Variants in MEIS2 observed in about 807,000 individuals in gnomAD.
MEIS2 encodes the protein homeobox protein Meis2.
MEIS2 carries 9 observed loss-of-function variants against 58.6 expected under a neutral mutation model. That is an observed-to-expected ratio of 0.15 (90% CI 0.09 to 0.27). MEIS2 has a LOEUF of 0.27. MEIS2 is among the 10% of genes least tolerant of loss of function. The probability of loss-of-function intolerance (pLI) is 1.00; values close to 1 mark genes in which losing one functional copy is unlikely to be tolerated. For synonymous variants in MEIS2, 221 were observed against 228.4 expected (o/e 0.97, Z 0.29); for missense variants, 427 against 635.0 (o/e 0.67, Z 3.52).
chr15:36,923,917 T>C (rs549555479), intron 9 of MEIS2, among the ~76,000 whole-genome samples: 1 of 152,314 alleles, frequency 6.6e-6, no homozygotes, highest in African/African-American at 2.4e-5. Context: ...GAGAATTCAG[T>C]GAAACGTAAG....
chr15:36,908,683 C>T (rs1358227919), intron 9 of MEIS2, among the ~76,000 whole-genome samples: 2 of 152,102 alleles, frequency 1.3e-5, no homozygotes, highest in African/African-American at 2.4e-5. Context: ...TGGCTGGGCA[C>T]GGAGGCTCAC....
At chr15:36,980,829 T>C (rs2059908148) in intron 8 of MEIS2, among the ~76,000 whole-genome samples, 1 of 152,168 alleles carries the variant, frequency 6.6e-6, no homozygotes, top group Non-Finnish European at 1.5e-5. Flanking sequence ...TATGTGCCTA[T>C]ACTGTCTCTT....
At chr15:36,944,974 A>T (rs2058510757) in intron 9 of MEIS2, among the ~76,000 whole-genome samples, 2 of 152,060 alleles carry the variant, frequency 1.3e-5, no homozygotes, top group South Asian at 4.1e-4. Flanking sequence ...TTACTATGAA[A>T]TTATTTTCCT....
At chr15:36,930,132 G>C (rs906347251) in intron 9 of MEIS2, among the ~76,000 whole-genome samples, 3 of 148,452 alleles carry the variant, frequency 2.0e-5, no homozygotes, top group African/African-American at 7.5e-5. Flanking sequence ...GAACCCAGGA[G>C]ACAGAGGTTA....
chr15:37,100,708 AGT>A (rs932464293), upstream of MEIS2, among the ~76,000 whole-genome samples: 5 of 145,346 alleles, frequency 3.4e-5, no homozygotes, highest in African/African-American at 1.3e-4. Context: ...TGTGTGTGTG[AGT>A]GTGTGTGTAT....
chr15:37,095,813 G>C, intron 3 of MEIS2, 199 bp from the exon 4 acceptor site: 2 of 716,702 alleles, frequency 2.8e-6, no homozygotes, highest in South Asian at 1.9e-5. Flanking sequence ...CCCATTAAGG[G>C]GGACCTGGTA....
At chr15:36,924,256 C>T (rs1054248758) in intron 9 of MEIS2, among the ~76,000 whole-genome samples, 1 of 152,186 alleles carries the variant, frequency 6.6e-6, no homozygotes, top group Non-Finnish European at 1.5e-5. Context: ...TGGCTGCCAA[C>T]TACCACAGAG....
At position 36,978,222 on chromosome 15, in the gene MEIS2, A is replaced by T. The variant is rs573620314; in HGVS notation, c.901-27822T>A. 1.5e-4 allele frequency among the ~76,000 whole-genome samples: 23 copies of T among 152,374 alleles called. No individual in the cohort carries two copies. The South Asian group carries it at 4.6e-3, about 30-fold the overall frequency. ...CCTTGGCATTTACAACAACAACAAT[A>T]ACAATAAGGATTAACCTTTTGTTAA... On this transcript the variant is annotated intron_variant, in intron 8 of 11. Coordinates refer to ENST00000561208, the MANE Select transcript of MEIS2 (RefSeq NM_170675.5).
chr15:37,053,591 A>G (rs2063016055), intron 7 of MEIS2, among the ~76,000 whole-genome samples: 1 of 152,236 alleles, frequency 6.6e-6, no homozygotes. Context: ...AAGATTCTCA[A>G]GCAAATTTCC....
chr15:37,080,894 G>C (rs1198390906), intron 7 of MEIS2, among the ~76,000 whole-genome samples: 1 of 152,140 alleles, frequency 6.6e-6, no homozygotes, highest in Non-Finnish European at 1.5e-5. Flanking sequence ...TTTTAAAAAT[G>C]TGATATACAT....
intron 7 of MEIS2, among the ~76,000 whole-genome samples, chr15:37,037,540 A>G (rs1375017886): frequency 9.4e-6 from 1 of 105,822 alleles, no homozygotes; most frequent in African/African-American, 3.3e-5. Flanking sequence ...CATTATCATG[A>G]AAAAAAAAAA....
chr15:37,060,490 G>A (rs1025664645), intron 7 of MEIS2, among the ~76,000 whole-genome samples: 2 of 151,998 alleles, frequency 1.3e-5, no homozygotes, highest in African/African-American at 2.4e-5. Flanking sequence ...GGAAGTTATC[G>A]TGTACCACCA....
chr15:36,969,058 T>C (rs539182855), intron 8 of MEIS2, among the ~76,000 whole-genome samples: 8 of 152,268 alleles, frequency 5.3e-5, no homozygotes, highest in Non-Finnish European at 8.8e-5. Flanking sequence ...TTCTATGACA[T>C]TGCAGTCATT....
At chr15:37,019,691 G>A (rs1167795177) in intron 8 of MEIS2, among the ~76,000 whole-genome samples, 1 of 152,106 alleles carries the variant, frequency 6.6e-6, no homozygotes, top group Admixed American at 6.5e-5. Flanking sequence ...GAGGAAGAGA[G>A]CTGCACATGG....
At chr15:37,065,644 C>T (rs1254762704) in intron 7 of MEIS2, among the ~76,000 whole-genome samples, 1 of 152,166 alleles carries the variant, frequency 6.6e-6, no homozygotes. Flanking sequence ...ATTTTTAAAG[C>T]CCATCTAGAG....
chr15:37,073,844 G>C (rs1321126165), intron 7 of MEIS2, among the ~76,000 whole-genome samples: 2 of 151,982 alleles, frequency 1.3e-5, no homozygotes, highest in African/African-American at 4.8e-5. Context: ...TGGTTTTGAG[G>C]CAAGAGTCAT....
chr15:37,009,230 A>C (rs1023155883), intron 8 of MEIS2, among the ~76,000 whole-genome samples: 1 of 152,204 alleles, frequency 6.6e-6, no homozygotes, highest in Non-Finnish European at 1.5e-5. Flanking sequence ...CGGAGCTTGC[A>C]GTGAGCCGAG....
chr15:37,044,181 T>C (rs1221203136), intron 7 of MEIS2, among the ~76,000 whole-genome samples: 4 of 152,182 alleles, frequency 2.6e-5, no homozygotes, highest in Non-Finnish European at 5.9e-5. Context: ...GAAAGTGTCC[T>C]CCAAAGCCCA....
intron 7 of MEIS2, among the ~76,000 whole-genome samples, chr15:37,077,012 A>G (rs558513132): frequency 7.9e-5 from 12 of 152,238 alleles, no homozygotes; most frequent in African/African-American, 2.9e-4. Context: ...TCCCTTAGTC[A>G]CAAATCTTGG....
Sources: allele counts gnomAD v4.1 joint callset (sites outside exome capture counted in the v4.1 genomes callset), GRCh38; gene constraint gnomAD v4.1.1; transcripts MANE v1.5; gene names NCBI Gene and HGNC (gene_info 2026-07-23, HGNC 2026-07-21).